Variants in PKP4 observed in about 807,000 individuals in gnomAD.
The protein encoded by PKP4 is plakophilin 4.
PKP4 carries 90 observed loss-of-function variants against 145.1 expected under a neutral mutation model. The ratio of observed to expected loss-of-function variants is 0.62; its 90% CI spans 0.52 to 0.74. The LOEUF (loss-of-function observed/expected upper bound fraction) is 0.74. PKP4 is among the 30% of genes least tolerant of loss of function. The probability of loss-of-function intolerance (pLI) is 0.00; values close to 1 mark genes in which losing one functional copy is unlikely to be tolerated. For missense variants in PKP4, 1,340 were observed against 1,482.7 expected (o/e 0.90, Z 1.58); for synonymous variants, 563 against 577.2 (o/e 0.98, Z 0.35).
Position 158,554,434 on chromosome 2 carries a change from T to A in PKP4, c.132+21118T>A, listed in dbSNP as rs945229572. 3.0e-3 allele frequency among the ~76,000 whole-genome samples: 446 copies of A among 150,872 alleles called. 2 individuals carry two copies. Among genetic ancestry groups the A allele is most frequent in the Middle Eastern group, 0.01 (3 of 294 alleles). ...CAGAAATAATTATTATTATTATTTT[T>A]TTTTTTTTTGAGACGGAGTCTAGCT... On this transcript the variant is annotated intron_variant, in intron 2 of 21. Coordinates refer to ENST00000389759, the MANE Select transcript of PKP4 (RefSeq NM_003628.6).
rs772561794 is a variant in PKP4 at position 158,666,563 on chromosome 2, G to A, written c.2728G>A (p.Gly910Ser). ...AGATGTTCGCAACAAGGAGCTCATA[G>A]GTATGTTCTGGTGACAAGATGAGCT... The part of the protein sequence containing the change: ...ALDVRNKELI[G>S]KYAMRDLVNR... Residue 910 changes from glycine to serine, a missense_variant and splice_region_variant, in exon 16 of 22, where the codon GGC (glycine) becomes AGC (serine). Gly to Ser is a moderately conservative substitution (Grantham distance 56). Transcript: ENST00000389759. 1 of 1,601,624 alleles carries A rather than the reference G, an allele frequency of 6.2e-7. No homozygotes were observed. Among genetic ancestry groups the A allele is most frequent in the Non-Finnish European group, 8.5e-7 (1 of 1,175,820 alleles).
At chr2:158,588,522 T>G (rs935718853) in intron 3 of PKP4, among the ~76,000 whole-genome samples, 4 of 152,218 alleles carry the variant, frequency 2.6e-5, no homozygotes, top group African/African-American at 9.6e-5. Flanking sequence ...GTAATTTGGC[T>G]TGTTATTTTT....
chr2:158,598,111 G>T (rs572491456), intron 3 of PKP4, among the ~76,000 whole-genome samples: 3 of 152,186 alleles, frequency 2.0e-5, no homozygotes, highest in South Asian at 2.1e-4. Context: ...GGCGTGAGCC[G>T]CTGTGTCAAG....
intron 1 of PKP4, among the ~76,000 whole-genome samples, chr2:158,460,769 A>C (rs1008431253): frequency 4.6e-5 from 7 of 152,178 alleles, no homozygotes; most frequent in African/African-American, 1.7e-4. Flanking sequence ...TCAGTTTGGG[A>C]AGTTTGCCTT....
At chr2:158,472,729 T>C (rs976757688) in intron 1 of PKP4, among the ~76,000 whole-genome samples, 1 of 152,046 alleles carries the variant, frequency 6.6e-6, no homozygotes, top group African/African-American at 2.4e-5. Context: ...TGCATACTCA[T>C]TGCAACCTAT....
intron 1 of PKP4, among the ~76,000 whole-genome samples, chr2:158,484,530 T>G (rs1301771321): frequency 6.6e-6 from 1 of 152,228 alleles, no homozygotes; most frequent in East Asian, 1.9e-4. Flanking sequence ...TTAGGAAGTA[T>G]TTCTCCTTTG....
intron 3 of PKP4, among the ~76,000 whole-genome samples, chr2:158,582,166 T>G (rs1231517641): frequency 6.6e-6 from 1 of 152,218 alleles, no homozygotes; most frequent in Non-Finnish European, 1.5e-5. Context: ...ATATTATCTG[T>G]GTATTTAATA....
chr2:158,636,700 T>A (rs892942457), intron 9 of PKP4, among the ~76,000 whole-genome samples: 9 of 152,192 alleles, frequency 5.9e-5, no homozygotes, highest in Non-Finnish European at 8.8e-5. Context: ...CTTCATTTTT[T>A]AAATCTTTTT....
At chr2:158,638,393 TCCAAATAATTAATTG>T (rs2053992336) in intron 9 of PKP4, among the ~76,000 whole-genome samples, 2 of 152,196 alleles carry the variant, frequency 1.3e-5, no homozygotes. Flanking sequence ...AAACTGAAGC[TCCAAATAATTAATTG>T]GTTTTCAAAA....
intron 1 of PKP4, among the ~76,000 whole-genome samples, chr2:158,497,996 G>GA (rs2105485048): frequency 6.6e-6 from 1 of 152,256 alleles, no homozygotes; most frequent in African/African-American, 2.4e-5. Flanking sequence ...GAGTGTGGTA[G>GA]AAAAAGAATG....
chr2:158,629,533 G>C (rs928081183), intron 7 of PKP4, among the ~76,000 whole-genome samples: 1 of 152,110 alleles, frequency 6.6e-6, no homozygotes, highest in Non-Finnish European at 1.5e-5. Context: ...ACATTGATTC[G>C]TTTAGTTTCT....
intron 2 of PKP4, among the ~76,000 whole-genome samples, chr2:158,553,411 C>A (rs1312773310): frequency 6.6e-6 from 1 of 152,088 alleles, no homozygotes; most frequent in East Asian, 1.9e-4. Context: ...TGTTTAATGG[C>A]ACAAATACAC....
chr2:158,503,810 A>G (rs571889359), intron 1 of PKP4, among the ~76,000 whole-genome samples: 1 of 152,156 alleles, frequency 6.6e-6, no homozygotes, highest in African/African-American at 2.4e-5. Context: ...GTGCTTGTCA[A>G]CCTTGAATGT....
At chr2:158,549,137 A>T (rs915595129) in intron 2 of PKP4, 3 of 201,842 alleles carry the variant, frequency 1.5e-5, no homozygotes, top group Non-Finnish European at 3.2e-5. Flanking sequence ...ATCACTGGGG[A>T]GGCAGTGTCC....
chr2:158,503,981 T>C (rs1696958122), intron 1 of PKP4, among the ~76,000 whole-genome samples: 1 of 151,194 alleles, frequency 6.6e-6, no homozygotes. Flanking sequence ...TTTTTTTTTT[T>C]TTTTTTTGAG....
intron 20 of PKP4, among the ~76,000 whole-genome samples, chr2:158,678,171 G>A (rs1288647883): frequency 7.2e-5 from 11 of 152,114 alleles, no homozygotes; most frequent in Non-Finnish European, 1.3e-4. Flanking sequence ...ATTGTGTTTC[G>A]CTTCTCCTCT....
Position 158,680,719 on chromosome 2 carries a change from G to A in PKP4, c.*42G>A, listed in dbSNP as rs1402217177. On this transcript the variant is annotated 3_prime_UTR_variant, in exon 22 of 22. Coordinates refer to ENST00000389759, the MANE Select transcript of PKP4 (RefSeq NM_003628.6). ...AGAGGAACTCTTTCTTTCTAACCTT[G>A]TTCAGATTGAGGTGAAAAGTCCATC... 1.2e-5 allele frequency: 18 copies of A among 1,526,548 alleles called. No homozygotes were observed. Among genetic ancestry groups the A allele is most frequent in the Non-Finnish European group, 1.6e-5 (18 of 1,135,460 alleles). 94.6% of individuals were successfully genotyped at this position (1,526,548 alleles called of 1,614,324 possible). A position where few individuals can be genotyped will look rare whatever the true frequency, so the allele number is the denominator to read the frequency against.
At chr2:158,552,871 A>G (rs1427369444) in intron 2 of PKP4, among the ~76,000 whole-genome samples, 1 of 152,242 alleles carries the variant, frequency 6.6e-6, no homozygotes, top group Non-Finnish European at 1.5e-5. Context: ...TAGTGAAATA[A>G]GCACATATTG....
At chr2:158,498,534 C>A (rs186977652) in intron 1 of PKP4, among the ~76,000 whole-genome samples, 1 of 152,268 alleles carries the variant, frequency 6.6e-6, no homozygotes, top group African/African-American at 2.4e-5. Context: ...AATTTTGTTT[C>A]TTGGGCTTCA....
Sources: allele counts gnomAD v4.1 joint callset (sites outside exome capture counted in the v4.1 genomes callset), GRCh38; gene constraint gnomAD v4.1.1; transcripts MANE v1.5; gene names NCBI Gene and HGNC (gene_info 2026-07-23, HGNC 2026-07-21).